Variants in PCM1 observed in about 807,000 individuals in gnomAD.
PCM1 encodes the protein pericentriolar material 1, also known as pericentriolar material 1 protein.
PCM1 carries 157 observed loss-of-function variants against 241.9 expected under a neutral mutation model. The ratio of observed to expected loss-of-function variants is 0.65; its 90% CI spans 0.57 to 0.74. The LOEUF is 0.74. Among genes scored for constraint, PCM1 ranks in the 30% least tolerant of loss-of-function variants. The pLI is 0.00. For missense variants in PCM1, 3,478 were observed against 2,360.1 expected (o/e 1.47, Z -9.81); for synonymous variants, 1,085 against 784.9 (o/e 1.38, Z -6.39).
intron 2 of PCM1, among the ~76,000 whole-genome samples, chr8:17,935,205 A>G (rs1007854918): frequency 1.3e-5 from 2 of 152,184 alleles, no homozygotes; most frequent in African/African-American, 4.8e-5. Flanking sequence ...TCTTCATCCC[A>G]AGTCCATTGT....
chr8:17,944,250 A>T (rs2063095073), intron 6 of PCM1, among the ~76,000 whole-genome samples: 1 of 152,188 alleles, frequency 6.6e-6, no homozygotes, highest in Non-Finnish European at 1.5e-5. Flanking sequence ...AGAACCCAGC[A>T]CATAATTTGG....
intron 22 of PCM1, 123 bp from the exon 23 acceptor site, chr8:17,972,206 T>G: frequency 3.9e-6 from 2 of 518,658 alleles, no homozygotes; most frequent in South Asian, 1.1e-4. Context: ...TGTGAAAACA[T>G]TTTTATAGCC....
At chr8:17,949,536 A>C (rs1436508897) in intron 7 of PCM1, among the ~76,000 whole-genome samples, 1 of 29,760 alleles carries the variant, frequency 3.4e-5, no homozygotes. Flanking sequence ...TTGCTCTGTC[A>C]CCCAGGCTGG....
In PCM1 at chr8:18,009,758, A is replaced by G. The variant is rs2092173172; in HGVS notation, c.5160+14A>G. 7.2e-7 allele frequency: 1 copy of G among 1,392,424 alleles called. No homozygotes were observed. Among genetic ancestry groups the G allele is most frequent in the African/African-American group, 1.4e-5 (1 of 69,128 alleles). 86.3% of individuals were successfully genotyped at this position (1,392,424 alleles called of 1,614,324 possible). ...TGTGCCAAAGAGGTAAATAACGTTC[A>G]TTTTGATTTTTAGGATAATTGACAC... On this transcript the variant is annotated intron_variant, in intron 31 of 38. Coordinates refer to ENST00000325083, the MANE Select transcript of PCM1 (RefSeq NM_006197.4).
At chr8:18,024,342 G>C (rs901327879) in intron 36 of PCM1, among the ~76,000 whole-genome samples, 1 of 152,080 alleles carries the variant, frequency 6.6e-6, no homozygotes, top group African/African-American at 2.4e-5. Flanking sequence ...ATTCCAGTCT[G>C]GGCAACAGAG....
At chr8:18,005,876 T>C in intron 29 of PCM1, among the ~76,000 whole-genome samples, 1 of 152,220 alleles carries the variant, frequency 6.6e-6, no homozygotes, top group East Asian at 1.9e-4. Flanking sequence ...TAATAGGGAA[T>C]TGGGTACAAG....
intron 8 of PCM1, among the ~76,000 whole-genome samples, chr8:17,952,472 T>C (rs2066437527): frequency 1.3e-5 from 2 of 152,168 alleles, no homozygotes; most frequent in Middle Eastern, 3.4e-3. Context: ...CTATGTAGAG[T>C]CAGCTCTCAG....
rs1447961846 is a variant in PCM1 at position 17,967,330 on chromosome 8, C to T, written c.3412+160C>T. On this transcript the variant is annotated intron_variant, in intron 21 of 38. Coordinates refer to ENST00000325083, the MANE Select transcript of PCM1 (RefSeq NM_006197.4). ...CTTTTTTTTTTTTTTCTTTTTGAGG[C>T]GGAGTTTTACTCTTCTTGTCCAGGC... 4.2e-5 allele frequency among the ~76,000 whole-genome samples: 6 copies of T among 143,944 alleles called. No homozygotes were observed. The South Asian group carries it at 6.4e-4, about 15-fold the overall frequency. 94.4% of individuals were successfully genotyped at this position (143,944 alleles called of 152,430 possible).
intron 6 of PCM1, among the ~76,000 whole-genome samples, chr8:17,941,562 C>G (rs1222028935): frequency 1.3e-5 from 2 of 149,472 alleles, no homozygotes; most frequent in Non-Finnish European, 3.0e-5. Flanking sequence ...TGGACTGGTA[C>G]TTTTTAAATT....
chr8:17,951,669 G>A (rs1450760345), intron 8 of PCM1, among the ~76,000 whole-genome samples: 1 of 152,150 alleles, frequency 6.6e-6, no homozygotes, highest in Admixed American at 6.6e-5. Flanking sequence ...TTTAATGTAT[G>A]TATACATAGG....
At chr8:17,941,043 C>A (rs1355556516) in intron 6 of PCM1, among the ~76,000 whole-genome samples, 1 of 152,140 alleles carries the variant, frequency 6.6e-6, no homozygotes, top group Non-Finnish European at 1.5e-5. Flanking sequence ...TCTTCCCGGA[C>A]CTTCCTAATT....
chr8:17,993,285 TTAAA>T (rs1564238817), intron 28 of PCM1, among the ~76,000 whole-genome samples, 194 bp from the exon 29 acceptor site: 1 of 152,138 alleles, frequency 6.6e-6, no homozygotes, highest in East Asian at 1.9e-4. Context: ...TGTAAAAAAT[TTAAA>T]TATGTGATAT....
At chr8:17,982,874 A>G (rs993755961) in intron 24 of PCM1, among the ~76,000 whole-genome samples, 1 of 152,112 alleles carries the variant, frequency 6.6e-6, no homozygotes, top group African/African-American at 2.4e-5. Flanking sequence ...TTGTAACTGT[A>G]CTCATAACAT....
chr8:17,994,787 A>C (rs1330957747), intron 29 of PCM1, among the ~76,000 whole-genome samples: 2 of 147,102 alleles, frequency 1.4e-5, no homozygotes, highest in Non-Finnish European at 2.9e-5. Flanking sequence ...TTCCGTGATC[A>C]TGTTGAGCAC....
rs1480226650 is a variant in PCM1, at chr8:17,972,623, A to T, written c.3879A>T (p.Lys1293Asn). 2 of 1,586,778 alleles carry T rather than the reference A, an allele frequency of 1.3e-6. No homozygotes were observed. The highest frequency in any genetic ancestry group is 8.5e-7 in the Non-Finnish European group (1 of 1,170,712). The change falls in exon 23 of 39, where the codon AAA (lysine) becomes AAT (asparagine). Residue 1293 changes from lysine (K) to asparagine (N), a missense_variant. Transcript: ENST00000325083. ...AGGCCAGCCTGGCATCTAAAGATAAAACTCCCAAGTCAAAAAGTAAGAAGA... is the reference window on the plus strand; with the variant it reads ...AGGCCAGCCTGGCATCTAAAGATAATACTCCCAAGTCAAAAAGTAAGAAGA... Reference protein sequence around the residue: ...SAQASLASKDKTPKSKSKKRN... With the variant: ...SAQASLASKDNTPKSKSKKRN...
chr8:18,014,534 T>C (rs1253590461), intron 35 of PCM1, 50 bp from the exon 36 acceptor site: 1 of 1,464,224 alleles, frequency 6.8e-7, no homozygotes, highest in Admixed American at 2.1e-5. Flanking sequence ...AATAGTAAAA[T>C]TTAACATTTT....
At chr8:18,022,680 A>T (rs2129488302) in intron 36 of PCM1, among the ~76,000 whole-genome samples, 1 of 152,316 alleles carries the variant, frequency 6.6e-6, no homozygotes, top group South Asian at 2.1e-4. Context: ...ACTGGGCCTA[A>T]TCTAGCCAGG....
intron 23 of PCM1, among the ~76,000 whole-genome samples, chr8:17,974,742 C>G (rs1346308136): frequency 6.6e-6 from 1 of 152,092 alleles, no homozygotes; most frequent in Non-Finnish European, 1.5e-5. Flanking sequence ...ACATTCTGAT[C>G]TTTGTGCTCT....
Position 17,966,464 on chromosome 8 carries a change from A to C in PCM1, c.3212A>C (p.Asn1071Thr). 6.2e-7 allele frequency: 1 copy of C among 1,613,574 alleles called. No individual in the cohort carries two copies. The highest frequency in any genetic ancestry group is 8.5e-7 in the Non-Finnish European group (1 of 1,179,616). Residue 1071 changes from asparagine (N) to threonine (T), a missense_variant, in exon 20 of 39, where the codon AAT (asparagine) becomes ACT (threonine). Transcript: ENST00000325083. ...ACTCAGCTAACATGGCAACAGAATA[A>C]TGTTCAGAGGTAATCTGTTTCTTAG... Reference protein sequence around the residue: ...CYTQLTWQQNNVQRLKQMLNE... With the variant: ...CYTQLTWQQNTVQRLKQMLNE...
Sources: allele counts gnomAD v4.1 joint callset (sites outside exome capture counted in the v4.1 genomes callset), GRCh38; gene constraint gnomAD v4.1.1; transcripts MANE v1.5; gene names NCBI Gene and HGNC (gene_info 2026-07-23, HGNC 2026-07-21).